The following CYP51A1 variants were observed in gnomAD, a reference collection of about 807,000 sequenced individuals.
CYP51A1 encodes the protein cytochrome P450 family 51 subfamily A member 1, also known as lanosterol 14-alpha demethylase.
Under a neutral mutation model 53.5 loss-of-function variants are expected in CYP51A1, and 45 were observed. The ratio of observed to expected loss-of-function variants is 0.84; its 90% CI spans 0.66 to 1.08. The LOEUF (loss-of-function observed/expected upper bound fraction) is 1.08, where lower values mean the gene tolerates loss of function less well. Ranked by LOEUF, CYP51A1 falls within the 50% of genes least tolerant of loss-of-function variation. The pLI is 0.00. For synonymous variants in CYP51A1, 181 were observed against 217.7 expected (o/e 0.83, Z 1.48); for missense variants, 462 against 621.7 (o/e 0.74, Z 2.73).
At chr7:92,132,357 T>C (rs1251671626) in intron 1 of CYP51A1, among the ~76,000 whole-genome samples, 10 of 152,228 alleles carry the variant, frequency 6.6e-5, no homozygotes, top group Non-Finnish European at 1.0e-4. Context: ...CATCCTCTCA[T>C]ATACCTTAAA....
At chr7:92,129,099 G>A (rs775297151) in intron 2 of CYP51A1, 43 bp from the exon 3 acceptor site, 1 of 1,321,218 alleles carries the variant, frequency 7.6e-7, no homozygotes, top group Non-Finnish European at 1.0e-6. Flanking sequence ...CAAAAAATAT[G>A]CAACACTACG....
intron 9 of CYP51A1, among the ~76,000 whole-genome samples, chr7:92,115,898 G>A (rs1000886139): frequency 3.9e-5 from 6 of 152,210 alleles, no homozygotes; most frequent in African/African-American, 1.4e-4. Context: ...GTGGAAACCA[G>A]ATAATTACTA....
intron 2 of CYP51A1, among the ~76,000 whole-genome samples, chr7:92,130,233 G>A (rs141078577): frequency 6.6e-6 from 1 of 152,198 alleles, no homozygotes; most frequent in East Asian, 1.9e-4. Flanking sequence ...GTATGACTTT[G>A]GTCCTATAGT....
chr7:92,123,795 G>T lies in CYP51A1; in HGVS notation c.829C>A (p.Arg277Ser). Residue 277 changes from arginine to serine, a missense_variant, in exon 6 of 10, where the codon CGC (arginine) becomes AGC (serine). Transcript: ENST00000003100. ...TCAATTTTTTCTTGAGACTGTCTGC[G>T]TTTCTGGATTGCCTTATAGAAAATA... ...KDIFYKAIQK[R>S]RQSQEKIDDI... 6.2e-7 allele frequency: 1 copy of T among 1,608,594 alleles called. No homozygotes were observed. The highest frequency in any genetic ancestry group is 2.2e-5 in the East Asian group (1 of 44,718).
chr7:92,120,259 A>G (rs947358932), intron 7 of CYP51A1, among the ~76,000 whole-genome samples: 1 of 152,184 alleles, frequency 6.6e-6, no homozygotes, highest in African/African-American at 2.4e-5. Flanking sequence ...TGACACACTG[A>G]CCCCAAAATT....
At chr7:92,128,796 C>T (rs1336362998) in intron 3 of CYP51A1, 84 bp downstream of exon 3, 23 of 1,247,766 alleles carry the variant, frequency 1.8e-5, no homozygotes, top group Middle Eastern at 2.9e-4. Context: ...GCTGTTTCTA[C>T]ATTTTAAATG....
intron 6 of CYP51A1, 95 bp from the exon 7 acceptor site, chr7:92,123,410 AG>A (rs1819731184): frequency 1.8e-6 from 2 of 1,087,526 alleles, no homozygotes; most frequent in Non-Finnish European, 2.7e-6. Flanking sequence ...TACATTTTTC[AG>A]GTATAGTGGT....
At chr7:92,125,688 C>T (rs28455945) in intron 5 of CYP51A1, among the ~76,000 whole-genome samples, 3,543 of 152,288 alleles carry the variant, frequency 0.023, 159 homozygotes, top group African/African-American at 0.081. Context: ...ATAAGGAATA[C>T]GTGAGGTAAG....
intron 9 of CYP51A1, among the ~76,000 whole-genome samples, chr7:92,115,673 GA>G (rs1156560089): frequency 2.6e-5 from 4 of 151,900 alleles, no homozygotes; most frequent in Non-Finnish European, 5.9e-5. Context: ...CACAAAGATT[GA>G]AAAAAAGATG....
chr7:92,118,275 T>C (rs1819618976), intron 8 of CYP51A1, among the ~76,000 whole-genome samples: 1 of 152,108 alleles, frequency 6.6e-6, no homozygotes, highest in South Asian at 2.1e-4. Flanking sequence ...CACATCAGCC[T>C]CCCAAGCAGC....
chr7:92,133,932 G>A (rs1819981460), intron 1 of CYP51A1, among the ~76,000 whole-genome samples: 1 of 152,146 alleles, frequency 6.6e-6, no homozygotes, highest in Non-Finnish European at 1.5e-5. Flanking sequence ...GGCCAGCACC[G>A]CCCCCCAACA....
At chr7:92,131,217 T>C (rs771835808) in intron 2 of CYP51A1, among the ~76,000 whole-genome samples, 19 of 152,198 alleles carry the variant, frequency 1.2e-4, no homozygotes, top group Non-Finnish European at 2.2e-4. Flanking sequence ...GGAGACGGTA[T>C]GGTCTACGAA....
chr7:92,115,416 CAAG>C (rs1819563027), intron 9 of CYP51A1, among the ~76,000 whole-genome samples: 1 of 151,938 alleles, frequency 6.6e-6, no homozygotes, highest in Non-Finnish European at 1.5e-5. Context: ...GAGACATGAA[CAAG>C]AAGAAAGCCT....
intron 7 of CYP51A1, among the ~76,000 whole-genome samples, chr7:92,119,953 T>A (rs537655229): frequency 4.6e-5 from 7 of 152,204 alleles, no homozygotes; most frequent in Non-Finnish European, 8.8e-5. Flanking sequence ...CTGAGAAGTA[T>A]GAGAACTGAA....
In CYP51A1 at chr7:92,127,565, A is replaced by T; in HGVS notation, c.535T>A (p.Ser179Thr). The T allele has an allele frequency of 1.2e-6, 2 of 1,612,658 alleles. No homozygotes were observed. The highest frequency in any genetic ancestry group is 1.7e-6 in the Non-Finnish European group (2 of 1,179,338). ...TCCTTTGTTTCTTTTTCAATTATAG[A>T]AACATGCTGTTTAAAGTGGGCTATG... ...LNIAHFKQHV[S>T]IIEKETKEYF... The change falls in exon 4 of 10, where the codon TCT becomes ACT. Residue 179 changes from serine (S) to threonine (T), a missense_variant. Coordinates refer to ENST00000003100, the MANE Select transcript of CYP51A1 (RefSeq NM_000786.4).
chr7:92,134,523 T>C (rs1033194254), upstream of CYP51A1: 17 of 695,086 alleles, frequency 2.4e-5, no homozygotes, highest in South Asian at 5.8e-5. Context: ...ACCCCGTGCG[T>C]CACAGAATGG....
intron 9 of CYP51A1, among the ~76,000 whole-genome samples, chr7:92,114,754 G>A (rs1277376527): frequency 6.6e-6 from 1 of 151,888 alleles, no homozygotes; most frequent in Non-Finnish European, 1.5e-5. Flanking sequence ...TTTAAGACAG[G>A]GCCAGAAAGC....
intron 7 of CYP51A1, among the ~76,000 whole-genome samples, chr7:92,121,541 A>G (rs1359979572): frequency 1.3e-5 from 2 of 152,242 alleles, no homozygotes; most frequent in African/African-American, 2.4e-5. Flanking sequence ...GGCATTATTC[A>G]TAATAGTTTA....
In CYP51A1 at chr7:92,123,202, C is replaced by G; in HGVS notation, c.1004G>C (p.Arg335Thr). The G allele has an allele frequency of 6.2e-7, 1 of 1,614,010 alleles. No individual in the cohort carries two copies. Among genetic ancestry groups the G allele is most frequent in the Non-Finnish European group, 8.5e-7 (1 of 1,179,908 alleles). The change falls in exon 7 of 10, where the codon AGA becomes ACA. Residue 335 changes from arginine (R) to threonine (T), a missense_variant. Coordinates refer to ENST00000003100, the MANE Select transcript of CYP51A1 (RefSeq NM_000786.4). Reference sequence around the variant, plus strand: ...ACATTTTTTTTGAAGTGTTTTGTCTCTGGCCAAAAAGAAGCCCATCCAAGC... The same window carrying G: ...ACATTTTTTTTGAAGTGTTTTGTCTGTGGCCAAAAAGAAGCCCATCCAAGC... ...TSAWMGFFLA[R>T]DKTLQKKCYL...
Sources: gnomAD v4.1 joint callset for allele counts (sites outside exome capture counted in the v4.1 genomes callset) on GRCh38, gnomAD v4.1.1 for gene constraint, MANE v1.5 for transcripts, NCBI Gene and HGNC (gene_info 2026-07-23, HGNC 2026-07-21) for gene names.